GPRIN2: variants seen among roughly 807,000 people sequenced by gnomAD.
GPRIN2 encodes G protein regulated inducer of neurite outgrowth 2.
In GPRIN2, 1 loss-of-function variant was observed where a neutral mutation model predicts 0.3. The observed-to-expected ratio is 3.90, with a 90% CI of 1.39 to 18.51. GPRIN2 has a LOEUF of 18.51. GPRIN2 is among the 30% of genes most tolerant of loss of function. The pLI is 0.11. For missense variants in GPRIN2, 880 were observed against 604.2 expected (o/e 1.46, Z -4.79); for synonymous variants, 361 against 258.6 (o/e 1.40, Z -3.80).
At position 46,542,862 on chromosome 10, in the gene GPRIN2, A is replaced by G. The variant is rs1841862863; in HGVS notation, c.*6498T>C. ...CAAGCCATGCAAGAAGATTCTGAAA[A>G]CATGGATGAGGAGATGGCCTGCCTA... On this transcript the variant is annotated 3_prime_UTR_variant, in exon 3 of 3. Transcript: ENST00000374314. Among the ~76,000 whole-genome samples the G allele has an allele frequency of 6.6e-6, 1 of 152,312 alleles. No homozygotes were observed. The highest frequency in any genetic ancestry group is 2.4e-5 in the African/African-American group (1 of 41,488).
chr10:46,554,408 G>A (rs1831995672), intron 2 of GPRIN2, among the ~76,000 whole-genome samples, 177 bp downstream of exon 2: 1 of 152,426 alleles, frequency 6.6e-6, no homozygotes, highest in East Asian at 1.9e-4. Context: ...GGCTACGCAT[G>A]CATACAAGTC....
At position 46,550,337 on chromosome 10, in the gene GPRIN2, T is replaced by A. The variant is rs1346114073; in HGVS notation, c.400A>T (p.Ser134Cys). ...CTGAGACTGGCCTTCCGAGCACCACTGTGTCCCCGCATCTGGGTGCTACGG... is the reference window on the plus strand; with the variant it reads ...CTGAGACTGGCCTTCCGAGCACCACAGTGTCCCCGCATCTGGGTGCTACGG... ...LVRSTQMRGH[S>C]GARKASLSCS... Residue 134 changes from serine to cysteine, a missense_variant, in exon 3 of 3, where the codon AGT becomes TGT. Ser to Cys is a moderately radical substitution (Grantham distance 112, BLOSUM62 -1). Transcript: ENST00000374314. 1 of 1,612,998 alleles carries A rather than the reference T, an allele frequency of 6.2e-7. No individual in the cohort carries two copies. The highest frequency in any genetic ancestry group is 8.5e-7 in the Non-Finnish European group (1 of 1,179,954).
chr10:46,550,574 C>T lies in GPRIN2; in HGVS notation c.163G>A (p.Ala55Thr). The stretch of plus-strand genomic sequence containing the variant: ...TCCGGGGCCTGGGGTCTGGTGCTGG[C>T]CTCGCCCAGCTGGGCCTGCCACACG... ...STVWQAQLGE[A>T]STRPQAPEEE... The change falls in exon 3 of 3, where the codon GCC (alanine) becomes ACC (threonine). Residue 55 changes from alanine (A) to threonine (T), a missense_variant. Physicochemically the swap from Ala to Thr is moderately conservative, Grantham distance 58 (BLOSUM62 0). Coordinates refer to ENST00000374314, the MANE Select transcript of GPRIN2 (RefSeq NM_001385282.1). 1 of 1,586,184 alleles carries T rather than the reference C, an allele frequency of 6.3e-7. No individual in the cohort carries two copies. The highest frequency in any genetic ancestry group is 8.6e-7 in the Non-Finnish European group (1 of 1,166,674).
chr10:46,543,339 A>G lies in GPRIN2; in HGVS notation c.*6021T>C, dbSNP rs1841892328. Among the ~76,000 whole-genome samples the G allele has an allele frequency of 6.6e-6, 1 of 152,310 alleles. No homozygotes were observed. The highest frequency in any genetic ancestry group is 2.4e-5 in the African/African-American group (1 of 41,488). The stretch of plus-strand genomic sequence containing the variant: ...GAGGAGGCAGGAACAAGTACAATGG[A>G]CAGTGGGGAGGCAGACAGGTTCTGA... On this transcript the variant is annotated 3_prime_UTR_variant, in exon 3 of 3. Transcript: ENST00000374314.
chr10:46,556,717 C>A (rs1843282723), upstream of GPRIN2, among the ~76,000 whole-genome samples: 2 of 152,136 alleles, frequency 1.3e-5, no homozygotes, highest in Admixed American at 1.3e-4. Context: ...CGGGCGGAGA[C>A]CTCGCTCACC....
chr10:46,557,084 G>T (rs1043912979), upstream of GPRIN2, among the ~76,000 whole-genome samples: 6 of 147,684 alleles, frequency 4.1e-5, no homozygotes, highest in African/African-American at 7.5e-5. Flanking sequence ...TCTCCGCGCC[G>T]GCGGCTACCC....
rs1832609507 is a variant in GPRIN2, at chr10:46,549,730, C to G, written c.1007G>C (p.Gly336Ala). The G allele has an allele frequency of 7.4e-6, 12 of 1,614,032 alleles. No individual in the cohort carries two copies. Among genetic ancestry groups the G allele is most frequent in the African/African-American group, 4.0e-5 (3 of 74,966 alleles). The part of the protein sequence containing the change: ...EASPLSAQDA[G>A]VQAAPVAACK... ...GGCCGCCACTGGGGCCGCCTGCACA[C>G]CAGCATCCTGGGCTGACAGCGGGGA... The change falls in exon 3 of 3, where the codon GGT (glycine) becomes GCT (alanine). Residue 336 changes from glycine (G) to alanine (A), a missense_variant. Coordinates refer to ENST00000374314, the MANE Select transcript of GPRIN2 (RefSeq NM_001385282.1).
rs1045026432 is a variant in GPRIN2 at position 46,549,143 on chromosome 10, G to C, written c.*217C>G. ...AAGTTCAGAGCCCGGAAGGTGCAGA[G>C]ATGTGGCCCTTGGAAATCAAGCCCT... On this transcript the variant is annotated 3_prime_UTR_variant, in exon 3 of 3. Coordinates refer to ENST00000374314, the MANE Select transcript of GPRIN2 (RefSeq NM_001385282.1). 20 of 562,220 alleles carry C rather than the reference G, an allele frequency of 3.6e-5. No homozygotes were observed. In the Admixed American group the frequency reaches 4.9e-4, roughly 14 times the overall value. The allele number at this position is 562,220 out of a possible 1,614,324, so 34.8% of individuals were successfully genotyped here. A position where few individuals can be genotyped will look rare whatever the true frequency, so the allele number is the denominator to read the frequency against.
In GPRIN2 at chr10:46,547,643, C is replaced by G. The variant is rs1313779023; in HGVS notation, c.*1717G>C. ...AGGTCCCTCCCCATGCACCCACAGC[C>G]ATTTGTTCTCTCTCATGTGGCCCTA... On this transcript the variant is annotated 3_prime_UTR_variant, in exon 3 of 3. Transcript: ENST00000374314. Among the ~76,000 whole-genome samples the G allele has an allele frequency of 6.6e-6, 1 of 152,308 alleles. No homozygotes were observed. Among genetic ancestry groups the G allele is most frequent in the Non-Finnish European group, 1.5e-5 (1 of 68,056 alleles).
chr10:46,551,381 G>C, intron 2 of GPRIN2: 1 of 985,270 alleles, frequency 1.0e-6, no homozygotes, highest in Non-Finnish European at 1.2e-6. Flanking sequence ...TAGCCTTGCT[G>C]AGCTGGCATG....
rs1832420628 is a variant in GPRIN2 at position 46,550,287 on chromosome 10, A to C, written c.450T>G (p.Pro150=). The change falls in exon 3 of 3, where the codon CCT becomes CCG. Residue 150 remains proline, a synonymous_variant. Transcript: ENST00000374314. ...CTGGCTGCAGCTGAGCCCTGTGGACAGGGCTGCTGCCAAGGGCTGAGCAGC... is the reference window on the plus strand; with the variant it reads ...CTGGCTGCAGCTGAGCCCTGTGGACCGGGCTGCTGCCAAGGGCTGAGCAGC... ...SLSCSALGSS[P]VHRAQLQPGG... 1 of 1,612,868 alleles carries C rather than the reference A, an allele frequency of 6.2e-7. No homozygotes were observed. Among genetic ancestry groups the C allele is most frequent in the Admixed American group, 1.7e-5 (1 of 60,002 alleles).
Position 46,546,524 on chromosome 10 carries a change from A to C in GPRIN2, c.*2836T>G, listed in dbSNP as rs1355859396. On this transcript the variant is annotated 3_prime_UTR_variant, in exon 3 of 3. Coordinates refer to ENST00000374314, the MANE Select transcript of GPRIN2 (RefSeq NM_001385282.1). ...TCTGTTTTGAATTCAAAGCCAAACA[A>C]ACACATCAACAGTGAACTCCAACAC... Among the ~76,000 whole-genome samples the C allele has an allele frequency of 6.6e-6, 1 of 152,310 alleles. No homozygotes were observed. The highest frequency in any genetic ancestry group is 1.9e-4 in the East Asian group (1 of 5,208).
chr10:46,551,829 G>A (rs1842645998), intron 2 of GPRIN2, among the ~76,000 whole-genome samples: 1 of 152,308 alleles, frequency 6.6e-6, no homozygotes, highest in African/African-American at 2.4e-5. Flanking sequence ...CAGCCAGGCA[G>A]CCTTCATCCC....
At position 46,549,486 on chromosome 10, in the gene GPRIN2, C is replaced by G; in HGVS notation, c.1251G>C (p.Gln417His). Residue 417 changes from glutamine to histidine, a missense_variant, in exon 3 of 3, where the codon CAG (glutamine) becomes CAC (histidine). Gln to His is a conservative substitution (Grantham distance 24). Coordinates refer to ENST00000374314, the MANE Select transcript of GPRIN2 (RefSeq NM_001385282.1). ...IQKHLEMQFE[Q>H]LQRAPASEDS... ...CCTCGCTGGCGGGCGCCCGCTGCAGCTGCTCAAACTGCATCTCCAGGTGCT... is the reference window on the plus strand; with the variant it reads ...CCTCGCTGGCGGGCGCCCGCTGCAGGTGCTCAAACTGCATCTCCAGGTGCT... The G allele has an allele frequency of 6.2e-7, 1 of 1,612,476 alleles. No homozygotes were observed. The highest frequency in any genetic ancestry group is 8.5e-7 in the Non-Finnish European group (1 of 1,179,064).
rs1842396622 is a variant in GPRIN2 at position 46,548,778 on chromosome 10, C to T, written c.*582G>A. Among the ~76,000 whole-genome samples the T allele has an allele frequency of 6.6e-6, 1 of 152,430 alleles. No individual in the cohort carries two copies. Among genetic ancestry groups the T allele is most frequent in the African/African-American group, 2.4e-5 (1 of 41,610 alleles). The stretch of plus-strand genomic sequence containing the variant: ...CTGGCCCTGGCTTTGGATCTCAGTC[C>T]CACCTCTTCAAGCTGTCCAGCGTGG... On this transcript the variant is annotated 3_prime_UTR_variant, in exon 3 of 3. Transcript: ENST00000374314.
rs1185647252 is a variant in GPRIN2, at chr10:46,541,747, A to G, written c.*7613T>C. ...GCAACACTAAGTGATTCGGTAACCAAGATAAATCATATTTTAATTATTTTA... is the reference window on the plus strand; with the variant it reads ...GCAACACTAAGTGATTCGGTAACCAGGATAAATCATATTTTAATTATTTTA... On this transcript the variant is annotated 3_prime_UTR_variant, in exon 3 of 3. Transcript: ENST00000374314. Among the ~76,000 whole-genome samples, 2 of 152,310 alleles carry G rather than the reference A, an allele frequency of 1.3e-5. No individual in the cohort carries two copies. The highest frequency in any genetic ancestry group is 4.8e-5 in the African/African-American group (2 of 41,488).
At chr10:46,554,525 A>T (rs973498674) in intron 2 of GPRIN2, 60 bp downstream of exon 2, 23 of 152,826 alleles carry the variant, frequency 1.5e-4, no homozygotes, top group African/African-American at 5.3e-4. Context: ...ATCTTTTAGG[A>T]CAAGATAAAG....
At chr10:46,556,310 GA>G (rs1843214844) in intron 1 of GPRIN2, among the ~76,000 whole-genome samples, 187 bp downstream of exon 1, 1 of 152,304 alleles carries the variant, frequency 6.6e-6, no homozygotes, top group Non-Finnish European at 1.5e-5. Context: ...GACAGGACAG[GA>G]CAATGAGAGG....
Position 46,547,309 on chromosome 10 carries a change from A to G in GPRIN2, c.*2051T>C, listed in dbSNP as rs1321281815. 6.6e-6 allele frequency among the ~76,000 whole-genome samples: 1 copy of G among 152,308 alleles called. No individual in the cohort carries two copies. The highest frequency in any genetic ancestry group is 6.5e-5 in the Admixed American group (1 of 15,294). ...CCTTGGTGTCACCTGGCACATCTCCACTGGAAGCCAAATGGATATTTCTAA... is the reference window on the plus strand; with the variant it reads ...CCTTGGTGTCACCTGGCACATCTCCGCTGGAAGCCAAATGGATATTTCTAA... On this transcript the variant is annotated 3_prime_UTR_variant, in exon 3 of 3. Coordinates refer to ENST00000374314, the MANE Select transcript of GPRIN2 (RefSeq NM_001385282.1).
Sources: allele counts gnomAD v4.1 joint callset (sites outside exome capture counted in the v4.1 genomes callset), GRCh38; gene constraint gnomAD v4.1.1; transcripts MANE v1.5; gene names NCBI Gene and HGNC (gene_info 2026-07-23, HGNC 2026-07-21).